ZNF423: variants seen among roughly 807,000 people sequenced by gnomAD.
The protein encoded by ZNF423 is zinc finger protein 423, also known as Ebf-associated zinc finger protein.
A neutral mutation model predicts 95.8 loss-of-function variants in ZNF423; 12 were observed. The ratio of observed to expected loss-of-function variants is 0.13; its 90% CI spans 0.08 to 0.20. ZNF423 has a LOEUF of 0.20. Ranked by LOEUF, ZNF423 falls within the 10% of genes least tolerant of loss-of-function variation. ZNF423 has a pLI of 1.00. For missense variants in ZNF423, 1,316 were observed against 1,737.1 expected, an observed-to-expected ratio of 0.76 and a Z score of 4.31; for synonymous variants, 749 against 711.9, an observed-to-expected ratio of 1.05 and a Z score of -0.83.
At position 49,635,077 on chromosome 16, in the gene ZNF423, T is replaced by C. The variant is rs1482842640; in HGVS notation, c.3516+583A>G. Among the ~76,000 whole-genome samples the C allele has an allele frequency of 2.0e-5, 3 of 152,214 alleles. No homozygotes were observed. The highest frequency in any genetic ancestry group is 1.3e-4 in the Admixed American group (2 of 15,288). ...GCCTTCCACATACCAGCAACTGCAC[T>C]AACTGAAATGATGCCACTGGTGATA... On this transcript the variant is annotated intron_variant, in intron 4 of 7. Transcript: ENST00000563137. The surrounding 1 kb of genome is among the most constrained non-coding windows in gnomAD (Gnocchi z 4.8).
At chr16:49,666,897 G>A (rs1489946276) in intron 3 of ZNF423, among the ~76,000 whole-genome samples, 2 of 152,214 alleles carry the variant, frequency 1.3e-5, no homozygotes, top group Non-Finnish European at 2.9e-5. Flanking sequence ...AGGGCAGGGT[G>A]GGAAAGCATG....
At chr16:49,704,678 G>T (rs997645955) in intron 3 of ZNF423, among the ~76,000 whole-genome samples, 1 of 152,130 alleles carries the variant, frequency 6.6e-6, no homozygotes, top group African/African-American at 2.4e-5. Context: ...GAGTATGAAG[G>T]TTTGTGTCTC....
chr16:49,795,269 A>T (rs2143859711), intron 1 of ZNF423, among the ~76,000 whole-genome samples: 1 of 152,274 alleles, frequency 6.6e-6, no homozygotes, highest in East Asian at 1.9e-4. Flanking sequence ...TGGGCAAGGC[A>T]GCCACAGACA....
chr16:49,665,131 T>A (rs1021272835), intron 3 of ZNF423, among the ~76,000 whole-genome samples: 1 of 152,200 alleles, frequency 6.6e-6, no homozygotes, highest in African/African-American at 2.4e-5. Flanking sequence ...CAACGGTGCA[T>A]TGAGGCCCAA....
At chr16:49,845,916 C>G (rs1320245135) in intron 1 of ZNF423, among the ~76,000 whole-genome samples, 1 of 152,084 alleles carries the variant, frequency 6.6e-6, no homozygotes, top group Non-Finnish European at 1.5e-5. Flanking sequence ...ACATGAGACC[C>G]TTCCCCTGAG....
intron 3 of ZNF423, among the ~76,000 whole-genome samples, chr16:49,720,864 G>A (rs2032845197): frequency 1.3e-5 from 2 of 152,260 alleles, no homozygotes; most frequent in East Asian, 1.9e-4. Context: ...CTGATTCCCC[G>A]CACCCAACCC....
intron 1 of ZNF423, among the ~76,000 whole-genome samples, chr16:49,804,317 A>G (rs1013354007): frequency 9.2e-5 from 14 of 152,210 alleles, no homozygotes; most frequent in South Asian, 6.2e-4. Flanking sequence ...AGGAAGAATG[A>G]TAATTGTGGA....
At chr16:49,854,701 G>C (rs769870154) in intron 1 of ZNF423, 55 of 985,358 alleles carry the variant, frequency 5.6e-5, no homozygotes, top group Non-Finnish European at 6.3e-5. Context: ...GCCGCGGGGA[G>C]AGGAGGCCAG....
chr16:49,556,485 C>T (rs920045673), intron 5 of ZNF423, among the ~76,000 whole-genome samples: 5 of 152,162 alleles, frequency 3.3e-5, no homozygotes, highest in African/African-American at 1.2e-4. Context: ...CCTATCAACT[C>T]GGAGGCCCCC....
At chr16:49,698,149 T>G (rs1022067810) in intron 3 of ZNF423, among the ~76,000 whole-genome samples, 5 of 152,220 alleles carry the variant, frequency 3.3e-5, no homozygotes, top group Non-Finnish European at 5.9e-5. Context: ...GAGTGACACG[T>G]CCTTAACTTT....
intron 6 of ZNF423, among the ~76,000 whole-genome samples, chr16:49,524,575 G>A (rs1449727796): frequency 2.6e-5 from 4 of 152,178 alleles, no homozygotes; most frequent in Non-Finnish European, 4.4e-5. Context: ...CATGGAGAAG[G>A]TCTAGCCCTG....
At chr16:49,771,508 T>C (rs1006177310) in intron 2 of ZNF423, among the ~76,000 whole-genome samples, 3 of 152,104 alleles carry the variant, frequency 2.0e-5, no homozygotes, top group African/African-American at 7.2e-5. Flanking sequence ...TACAGCCTCA[T>C]CTTGAATTGT....
rs1181518438 is a variant in ZNF423, at chr16:49,731,418, C to G, written c.101-447G>C. 4 of 978,532 alleles carry G rather than the reference C, an allele frequency of 4.1e-6. No individual in the cohort carries two copies. In the African/African-American group the frequency reaches 7.0e-5, roughly 17 times the overall value. 60.6% of individuals were successfully genotyped at this position (978,532 alleles called of 1,614,324 possible). A position where few individuals can be genotyped will look rare whatever the true frequency, so the allele number is the denominator to read the frequency against. Reference sequence around the variant, plus strand: ...TTCGCCTTCCACACAACAGGCCTCCCAGGGCAGTGACGTTGGCTCAGTTCT... The same window carrying G: ...TTCGCCTTCCACACAACAGGCCTCCGAGGGCAGTGACGTTGGCTCAGTTCT... On this transcript the variant is annotated intron_variant, in intron 2 of 7. Coordinates refer to ENST00000563137, the MANE Select transcript of ZNF423 (RefSeq NM_001379286.1).
chr16:49,567,736 C>T (rs1970237091), intron 5 of ZNF423, among the ~76,000 whole-genome samples: 1 of 152,206 alleles, frequency 6.6e-6, no homozygotes, highest in South Asian at 2.1e-4. Flanking sequence ...CCTCCTCTGC[C>T]CATGTGGCCT....
intron 3 of ZNF423, among the ~76,000 whole-genome samples, chr16:49,670,171 T>C (rs1333171943): frequency 6.6e-6 from 1 of 152,130 alleles, no homozygotes; most frequent in African/African-American, 2.4e-5. Context: ...GCAGTTCTGT[T>C]TGGTGACATT....
chr16:49,743,340 A>G (rs547962011), intron 2 of ZNF423, among the ~76,000 whole-genome samples: 1 of 152,072 alleles, frequency 6.6e-6, no homozygotes, highest in Admixed American at 6.5e-5. Flanking sequence ...TTCTCCACTT[A>G]TCATAGCAGT....
chr16:49,845,468 C>T (rs1045687707), intron 1 of ZNF423, among the ~76,000 whole-genome samples: 4 of 151,790 alleles, frequency 2.6e-5, no homozygotes, highest in African/African-American at 4.8e-5. Context: ...AACTCGAACA[C>T]GTAGCCTCGC....
intron 5 of ZNF423, among the ~76,000 whole-genome samples, chr16:49,572,090 T>G (rs113987156): frequency 7.2e-5 from 11 of 152,250 alleles, no homozygotes; most frequent in African/African-American, 2.2e-4. Context: ...CTTAGACACA[T>G]GTAACTAAGT....
At chr16:49,579,122 G>T (rs1160086007) in intron 5 of ZNF423, among the ~76,000 whole-genome samples, 1 of 152,154 alleles carries the variant, frequency 6.6e-6, no homozygotes. Context: ...TTCTCCAAGG[G>T]AAAGGGGAGG....
Sources: allele counts gnomAD v4.1 joint callset (sites outside exome capture counted in the v4.1 genomes callset), GRCh38; gene constraint gnomAD v4.1.1; non-coding constraint Gnocchi (gnomAD v3.1); transcripts MANE v1.5; gene names NCBI Gene and HGNC (gene_info 2026-07-23, HGNC 2026-07-21).